Variants in TARS3 observed in about 807,000 individuals in gnomAD.
TARS3 encodes threonyl-tRNA synthetase 3, also known as threonine--tRNA ligase 2, cytoplasmic.
In TARS3, 94 loss-of-function variants were observed where a neutral mutation model predicts 103.5. The observed-to-expected ratio is 0.91, with a 90% CI of 0.77 to 1.08. TARS3 has a LOEUF of 1.08. Ranked by LOEUF, TARS3 falls within the 50% of genes least tolerant of loss-of-function variation. The pLI is 0.00. For synonymous variants in TARS3, 416 were observed against 355.4 expected, an observed-to-expected ratio of 1.17 and a Z score of -1.92; for missense variants, 952 against 995.2, an observed-to-expected ratio of 0.96 and a Z score of 0.58.
intron 12 of TARS3, among the ~76,000 whole-genome samples, chr15:101,682,098 C>T (rs1374213066): frequency 6.6e-6 from 1 of 152,130 alleles, no homozygotes; most frequent in East Asian, 1.9e-4. Flanking sequence ...AGTTTTAATT[C>T]TTTCCAATCT....
rs1462415999 is a variant in TARS3, at chr15:101,654,179, CAT to C, written c.*401_*402del. 1 of 157,320 alleles carries C rather than the reference CAT, an allele frequency of 6.4e-6. No homozygotes were observed. Among genetic ancestry groups the C allele is most frequent in the Non-Finnish European group, 1.4e-5 (1 of 71,986 alleles). 9.7% of individuals were successfully genotyped at this position (157,320 alleles called of 1,614,324 possible). On this transcript the variant is annotated 3_prime_UTR_variant, in exon 19 of 19. Transcript: ENST00000335968. ...TTTCAGTGTGAATTTTAGTAGAAGT[CAT>C]AAAAATACCTGAGACATATTAGAAA...
chr15:101,722,352 G>A (rs1900517288), intron 2 of TARS3, among the ~76,000 whole-genome samples: 1 of 151,340 alleles, frequency 6.6e-6, no homozygotes, highest in Non-Finnish European at 1.5e-5. Flanking sequence ...CTGTTCTCTA[G>A]TTGTTTGTCC....
chr15:101,654,681 T>C lies in TARS3; in HGVS notation c.2310A>G (p.Arg770=), dbSNP rs1228226133. 6.2e-7 allele frequency: 1 copy of C among 1,614,040 alleles called. No individual in the cohort carries two copies. Among genetic ancestry groups the C allele is most frequent in the Non-Finnish European group, 8.5e-7 (1 of 1,179,990 alleles). The change falls in exon 19 of 19, where the codon AGA becomes AGG. Residue 770 remains arginine, a synonymous_variant. Coordinates refer to ENST00000335968, the MANE Select transcript of TARS3 (RefSeq NM_152334.3). The part of the protein sequence containing the change: ...KIDNAVNVRT[R]DNKIHGEILV... ...AAATCTCTCCATGAATTTTGTTGTCTCTTGTTCGCACGTTTACAGCATTAT... is the reference window on the plus strand; with the variant it reads ...AAATCTCTCCATGAATTTTGTTGTCCCTTGTTCGCACGTTTACAGCATTAT...
chr15:101,661,816 A>G lies in TARS3; in HGVS notation c.1968T>C (p.Ser656=). Residue 656 remains serine (S), a splice_region_variant and synonymous_variant, in exon 16 of 19, where the codon AGT becomes AGC. Transcript: ENST00000335968. Reference sequence around the variant, plus strand: ...GTCTCTTCTTATCATCCCCATCCTTACTAAAAAATGAAAATTATACATTTA... The same window carrying G: ...GTCTCTTCTTATCATCCCCATCCTTGCTAAAAAATGAAAATTATACATTTA... ...LPIRFNLTYV[S]KDGDDKKRPV... is the part of the protein sequence containing the mutation. 6.4e-7 allele frequency: 1 copy of G among 1,558,418 alleles called. No homozygotes were observed. Among genetic ancestry groups the G allele is most frequent in the East Asian group, 2.3e-5 (1 of 43,952 alleles).
intron 13 of TARS3, among the ~76,000 whole-genome samples, 173 bp from the exon 14 acceptor site, chr15:101,671,921 A>C (rs923958576): frequency 1.9e-4 from 29 of 152,190 alleles, no homozygotes; most frequent in African/African-American, 7.0e-4. Context: ...AGAGATGATT[A>C]AGGTGGCACC....
At chr15:101,709,296 T>C (rs181322418) in intron 5 of TARS3, among the ~76,000 whole-genome samples, 1 of 152,368 alleles carries the variant, frequency 6.6e-6, no homozygotes, top group Non-Finnish European at 1.5e-5. Context: ...GAACCAAGGC[T>C]GGGAGACATC....
In TARS3 at chr15:101,660,407, T is replaced by C. The variant is rs545036400; in HGVS notation, c.2072+1305A>G. On this transcript the variant is annotated intron_variant, in intron 16 of 18. Coordinates refer to ENST00000335968, the MANE Select transcript of TARS3 (RefSeq NM_152334.3). ...CTTGCTTCTGAATGCATGGTGATAG[T>C]AGTGAATCCCTTAATGTCAGTGCAA... is the stretch of plus-strand genomic sequence containing the variant. Among the ~76,000 whole-genome samples the C allele has an allele frequency of 5.3e-5, 8 of 152,376 alleles. No individual in the cohort carries two copies. In the East Asian group the frequency reaches 1.5e-3, roughly 29 times the overall value.
At chr15:101,719,155 A>G (rs1900316844) in intron 3 of TARS3, among the ~76,000 whole-genome samples, 2 of 152,220 alleles carry the variant, frequency 1.3e-5, no homozygotes, top group South Asian at 4.1e-4. Context: ...TGGGGCCTCA[A>G]GGTGGCTTCA....
intron 3 of TARS3, 97 bp downstream of exon 3, chr15:101,721,029 G>T: frequency 1.0e-6 from 1 of 999,792 alleles, no homozygotes; most frequent in Non-Finnish European, 1.5e-6. Context: ...AGTATCGTGA[G>T]AATGGAGTAA....
At chr15:101,668,628 T>G (rs896880196) in intron 15 of TARS3, among the ~76,000 whole-genome samples, 1 of 152,138 alleles carries the variant, frequency 6.6e-6, no homozygotes, top group African/African-American at 2.4e-5. Context: ...AACCTTCAGT[T>G]TATAAAAAAT....
At chr15:101,708,276 A>C (rs893945606) in intron 6 of TARS3, among the ~76,000 whole-genome samples, 4 of 151,162 alleles carry the variant, frequency 2.6e-5, no homozygotes, top group African/African-American at 7.3e-5. Flanking sequence ...AAAAAAAAAA[A>C]AAAAAAAAAC....
At chr15:101,667,592 T>C (rs1897630473) in intron 15 of TARS3, among the ~76,000 whole-genome samples, 1 of 151,362 alleles carries the variant, frequency 6.6e-6, no homozygotes, top group Admixed American at 6.6e-5. Flanking sequence ...TTTTTTGAGA[T>C]GGAGTTTCAC....
At chr15:101,717,805 T>G (rs531278196) in intron 3 of TARS3, among the ~76,000 whole-genome samples, 20 of 152,314 alleles carry the variant, frequency 1.3e-4, no homozygotes, top group African/African-American at 4.6e-4. Context: ...AAAAACAGAC[T>G]TTGACCATAT....
chr15:101,659,976 G>C (rs1056197969), intron 16 of TARS3, among the ~76,000 whole-genome samples: 4 of 152,190 alleles, frequency 2.6e-5, no homozygotes, highest in African/African-American at 7.2e-5. Flanking sequence ...ATGAATGGTA[G>C]TATGCATGGG....
At chr15:101,691,499 C>T (rs1170532556) in intron 10 of TARS3, among the ~76,000 whole-genome samples, 4 of 151,812 alleles carry the variant, frequency 2.6e-5, no homozygotes, top group South Asian at 2.1e-4. Context: ...AGGCTGGTCT[C>T]GAACTCCTGG....
chr15:101,664,432 T>G (rs898649371), intron 15 of TARS3: 3 of 152,192 alleles, frequency 2.0e-5, no homozygotes, highest in African/African-American at 7.2e-5. Flanking sequence ...ACTGTACCAA[T>G]CAGGCAAAAA....
chr15:101,683,251 C>T (rs955740511), intron 12 of TARS3, among the ~76,000 whole-genome samples: 8 of 152,130 alleles, frequency 5.3e-5, no homozygotes, highest in African/African-American at 1.9e-4. Flanking sequence ...ATAAACATCC[C>T]TCTACCACTT....
At chr15:101,691,646 C>T (rs1567340184) in intron 10 of TARS3, among the ~76,000 whole-genome samples, 1 of 152,154 alleles carries the variant, frequency 6.6e-6, no homozygotes, top group Non-Finnish European at 1.5e-5. Flanking sequence ...TTATAGGACA[C>T]AAATAGTAAA....
chr15:101,677,702 TAGTC>T (rs1190097415), intron 12 of TARS3, among the ~76,000 whole-genome samples: 1 of 151,996 alleles, frequency 6.6e-6, no homozygotes, highest in Non-Finnish European at 1.5e-5. Context: ...TTCTCCATGT[TAGTC>T]AGTCTAGTCT....
Sources: allele counts gnomAD v4.1 joint callset (sites outside exome capture counted in the v4.1 genomes callset), GRCh38; gene constraint gnomAD v4.1.1; transcripts MANE v1.5; gene names NCBI Gene and HGNC (gene_info 2026-07-23, HGNC 2026-07-21).